Variants in PIK3CB observed in about 807,000 individuals in gnomAD.
PIK3CB encodes the protein phosphatidylinositol 4,5-bisphosphate 3-kinase catalytic subunit beta isoform.
PIK3CB carries 39 observed loss-of-function variants against 136.8 expected under a neutral mutation model. The observed-to-expected ratio is 0.29, with a 90% confidence interval of 0.22 to 0.37. The LOEUF (loss-of-function observed/expected upper bound fraction) is 0.37, where lower values mean the gene tolerates loss of function less well. Among genes scored for constraint, PIK3CB ranks in the 10% least tolerant of loss-of-function variants. PIK3CB has a pLI of 1.00. For missense variants in PIK3CB, 868 were observed against 1,275.4 expected (o/e 0.68, Z 4.87); for synonymous variants, 428 against 436.6 (o/e 0.98, Z 0.25).
intron 8 of PIK3CB, among the ~76,000 whole-genome samples, chr3:138,718,083 T>A (rs1408125006): frequency 2.0e-5 from 3 of 152,220 alleles, no homozygotes; most frequent in Admixed American, 6.5e-5. Context: ...ATGGTAGTTC[T>A]GCTTTTAGTT....
chr3:138,729,583 A>G (rs1170103032), intron 8 of PIK3CB, among the ~76,000 whole-genome samples: 1 of 152,050 alleles, frequency 6.6e-6, no homozygotes, highest in East Asian at 1.9e-4. Flanking sequence ...TGTAACTGGG[A>G]CATTGGCTTT....
At chr3:138,783,371 T>G (rs1040013406) in intron 2 of PIK3CB, among the ~76,000 whole-genome samples, 1 of 152,010 alleles carries the variant, frequency 6.6e-6, no homozygotes, top group South Asian at 2.1e-4. Flanking sequence ...ATCGTCAACC[T>G]CTGGAGCTCA....
chr3:138,656,082 C>A (rs1446367270), intron 23 of PIK3CB, 60 bp downstream of exon 23: 3 of 1,546,896 alleles, frequency 1.9e-6, no homozygotes, highest in Admixed American at 3.5e-5. Flanking sequence ...ATAAAACAGG[C>A]AGCTAAAACT....
At chr3:138,789,644 T>C (rs1421309233) in intron 2 of PIK3CB, among the ~76,000 whole-genome samples, 5 of 150,256 alleles carry the variant, frequency 3.3e-5, no homozygotes, top group African/African-American at 9.7e-5. Context: ...AACAGATACA[T>C]AGACAAAAAA....
chr3:138,800,232 A>G (rs2046157003), intron 1 of PIK3CB, among the ~76,000 whole-genome samples: 1 of 152,206 alleles, frequency 6.6e-6, no homozygotes, highest in Non-Finnish European at 1.5e-5. Flanking sequence ...TTACTTTATC[A>G]TCTTTATAAC....
intron 8 of PIK3CB, among the ~76,000 whole-genome samples, chr3:138,725,314 C>T (rs2044814424): frequency 6.6e-6 from 1 of 152,138 alleles, no homozygotes; most frequent in East Asian, 1.9e-4. Flanking sequence ...ACGTGTGATA[C>T]AGGATATGTC....
At chr3:138,746,656 G>A (rs1364769751) in intron 4 of PIK3CB, among the ~76,000 whole-genome samples, 1 of 151,674 alleles carries the variant, frequency 6.6e-6, no homozygotes, top group Non-Finnish European at 1.5e-5. Flanking sequence ...GTGAGACTCC[G>A]TCTCAAAAAT....
chr3:138,822,862 G>A (rs115363173), intron 1 of PIK3CB, among the ~76,000 whole-genome samples: 6,364 of 143,420 alleles, frequency 0.044, 442 homozygotes, highest in African/African-American at 0.15. Flanking sequence ...ATATATATAC[G>A]AAATATATAT....
At chr3:138,817,030 G>A (rs1342743261) in intron 1 of PIK3CB, among the ~76,000 whole-genome samples, 2 of 147,006 alleles carry the variant, frequency 1.4e-5, no homozygotes, top group Non-Finnish European at 3.0e-5. Flanking sequence ...GAGAAACCCC[G>A]TCTCTACTAA....
At chr3:138,725,610 C>G (rs747098864) in intron 8 of PIK3CB, among the ~76,000 whole-genome samples, 1 of 152,120 alleles carries the variant, frequency 6.6e-6, no homozygotes, top group Non-Finnish European at 1.5e-5. Flanking sequence ...TTTTTCATCA[C>G]CATTCTGCTA....
chr3:138,662,988 C>G (rs1245879236), intron 21 of PIK3CB, among the ~76,000 whole-genome samples: 1 of 152,128 alleles, frequency 6.6e-6, no homozygotes, highest in African/African-American at 2.4e-5. Context: ...CCATTCAGGA[C>G]ATAGGCATGG....
At chr3:138,664,703 A>G (rs774516780) in intron 20 of PIK3CB, among the ~76,000 whole-genome samples, 6 of 152,206 alleles carry the variant, frequency 3.9e-5, no homozygotes, top group Non-Finnish European at 7.3e-5. Flanking sequence ...CTACCAACTC[A>G]TTAAAAACTC....
At position 138,684,681 on chromosome 3, in the gene PIK3CB, T is replaced by A. The variant is rs2043847408; in HGVS notation, c.2259A>T (p.Glu753Asp). Reference sequence around the variant, plus strand: ...GGGGTGACTGCAGGTCAGAGAGGGCTTCCCGGTAAGCACTCTGTTTTAAAC... The same window carrying A: ...GGGGTGACTGCAGGTCAGAGAGGGCATCCCGGTAAGCACTCTGTTTTAAAC... ...HTCLKQSAYR[E>D]ALSDLQSPLN... The change falls in exon 17 of 24, where the codon GAA (glutamate) becomes GAT (aspartate). Residue 753 changes from glutamate to aspartate, a missense_variant. Physicochemically the swap from Glu to Asp is conservative, Grantham distance 45 (BLOSUM62 2). Transcript: ENST00000674063. The A allele has an allele frequency of 6.2e-7, 1 of 1,613,902 alleles. No individual in the cohort carries two copies. Among genetic ancestry groups the A allele is most frequent in the South Asian group, 1.1e-5 (1 of 91,066 alleles).
In PIK3CB at chr3:138,653,316, GCTCCATCAACTA is replaced by G. The variant is rs1409724821; in HGVS notation, c.*2061_*2072del. 6 of 175,868 alleles carry G rather than the reference GCTCCATCAACTA, an allele frequency of 3.4e-5. No individual in the cohort carries two copies. The Admixed American group carries it at 3.8e-4, about 11-fold the overall frequency. 10.9% of individuals were successfully genotyped at this position (175,868 alleles called of 1,614,324 possible). On this transcript the variant is annotated 3_prime_UTR_variant, in exon 24 of 24. Coordinates refer to ENST00000674063, the MANE Select transcript of PIK3CB (RefSeq NM_006219.3). ...TCTTACTTTCTGGGTTTGAATACTGGCTCCATCAACTACTCTGTGACTATGGTCACGTTACTT... is the reference window on the plus strand; with the variant it reads ...TCTTACTTTCTGGGTTTGAATACTGGCTCTGTGACTATGGTCACGTTACTT...
At chr3:138,800,067 C>T (rs1245015466) in intron 1 of PIK3CB, among the ~76,000 whole-genome samples, 1 of 152,070 alleles carries the variant, frequency 6.6e-6, no homozygotes, top group Admixed American at 6.6e-5. Flanking sequence ...CTATTTAGGG[C>T]TCTTGTACAT....
chr3:138,808,878 T>A (rs2046263018), intron 1 of PIK3CB, among the ~76,000 whole-genome samples: 1 of 152,036 alleles, frequency 6.6e-6, no homozygotes. Context: ...AGTATTTATT[T>A]CTGCTGTTTA....
rs60503033 is a variant in PIK3CB, at chr3:138,744,392, CAAAAA to C, written c.398-1616_398-1612del. Among the ~76,000 whole-genome samples, 218 of 45,078 alleles carry C rather than the reference CAAAAA, an allele frequency of 4.8e-3. 19 individuals carry two copies. Among genetic ancestry groups the C allele is most frequent in the Non-Finnish European group, 6.4e-3 (159 of 24,708 alleles). 29.6% of individuals were successfully genotyped at this position (45,078 alleles called of 152,430 possible). A position where few individuals can be genotyped will look rare whatever the true frequency, so the allele number is the denominator to read the frequency against. ...ACTGGGTGACAGAGCGAGACTCCCC[CAAAAA>C]AAAAAAAAAAAAAAAAAAAAAAAAA... On this transcript the variant is annotated intron_variant, in intron 4 of 23. Transcript: ENST00000674063.
At chr3:138,671,824 A>T (rs962107486) in intron 19 of PIK3CB, among the ~76,000 whole-genome samples, 3 of 152,262 alleles carry the variant, frequency 2.0e-5, no homozygotes, top group Non-Finnish European at 4.4e-5. Context: ...CTGCCTCTGC[A>T]TTCTTTCCCC....
intron 16 of PIK3CB, chr3:138,685,039 A>C (rs2043855060): frequency 2.5e-6 from 1 of 395,156 alleles, no homozygotes; most frequent in Admixed American, 4.3e-5. Context: ...TTTCTTAAAC[A>C]AAATCTTACA....
Sources: allele counts gnomAD v4.1 joint callset (sites outside exome capture counted in the v4.1 genomes callset), GRCh38; gene constraint gnomAD v4.1.1; transcripts MANE v1.5; gene names NCBI Gene and HGNC (gene_info 2026-07-23, HGNC 2026-07-21).